DMD: variants seen among roughly 807,000 people sequenced by gnomAD.
The protein encoded by DMD is dystrophin.
A neutral mutation model predicts 330.1 loss-of-function variants in DMD; 63 were observed. The observed-to-expected ratio is 0.19, with a 90% CI of 0.16 to 0.24. The LOEUF is 0.24. Ranked by LOEUF, DMD falls within the 10% of genes least tolerant of loss-of-function variation. DMD has a pLI of 1.00. For missense variants in DMD, 3,344 were observed against 2,684.1 expected, an observed-to-expected ratio of 1.25 and a Z score of -5.43; for synonymous variants, 1,223 against 959.8, an observed-to-expected ratio of 1.27 and a Z score of -5.07.
At chrX:32,789,645 T>G (rs908737482) in intron 7 of DMD, among the ~76,000 whole-genome samples, 3 of 112,208 alleles carry the variant, frequency 2.7e-5, no homozygotes, top group Non-Finnish European at 5.6e-5. Flanking sequence ...ATTGGCTGTG[T>G]GATCTTGATT....
intron 43 of DMD, among the ~76,000 whole-genome samples, chrX:32,219,096 G>A (rs185679005): frequency 0.1 from 11,543 of 111,692 alleles, 545 homozygotes; most frequent in Admixed American, 0.15. Flanking sequence ...GAAGGTAGCC[G>A]AAGAGGTATT....
At chrX:32,545,046 A>T in intron 17 of DMD, 113 bp downstream of exon 17, 1 of 728,563 alleles carries the variant, frequency 1.4e-6, no homozygotes, top group Non-Finnish European at 2.1e-6. Flanking sequence ...AACTGACATT[A>T]CAGGTACCCG....
At chrX:31,330,528 T>C (rs1044376498) in intron 61 of DMD, among the ~76,000 whole-genome samples, 1 of 111,516 alleles carries the variant, frequency 9.0e-6, no homozygotes, top group Non-Finnish European at 1.9e-5. Context: ...ATTTGAGAAG[T>C]TGTGTATAAA....
chrX:32,260,521 T>C (rs1282857091), intron 43 of DMD, among the ~76,000 whole-genome samples: 4 of 111,629 alleles, frequency 3.6e-5, no homozygotes, highest in African/African-American at 1.3e-4. Flanking sequence ...CTCTGTAAAC[T>C]CTATAAACTG....
intron 54 of DMD, among the ~76,000 whole-genome samples, chrX:31,641,335 A>G (rs887242737): frequency 9.9e-6 from 1 of 101,088 alleles, no homozygotes; most frequent in African/African-American, 4.0e-5. Flanking sequence ...CCCTGTCTCT[A>G]CTAAAAATAC....
At chrX:32,792,433 A>G (rs1346831428) in intron 7 of DMD, among the ~76,000 whole-genome samples, 2 of 112,344 alleles carry the variant, frequency 1.8e-5, no homozygotes, top group East Asian at 5.6e-4. Flanking sequence ...ACAACCATAA[A>G]TCAATAAAAT....
chrX:32,604,942 T>C (rs1425610221), intron 12 of DMD, among the ~76,000 whole-genome samples: 2 of 110,977 alleles, frequency 1.8e-5, no homozygotes, highest in African/African-American at 6.5e-5. Context: ...GCTCATGGAT[T>C]GGGAGCATCA....
chrX:31,295,949 A>T (rs1454920795), intron 62 of DMD, among the ~76,000 whole-genome samples: 1 of 107,955 alleles, frequency 9.3e-6, no homozygotes, highest in Non-Finnish European at 1.9e-5. Context: ...GTACAGAAGC[A>T]TGGACTCTAT....
At chrX:32,129,202 A>G (rs2096676156) in intron 44 of DMD, among the ~76,000 whole-genome samples, 1 of 112,058 alleles carries the variant, frequency 8.9e-6, no homozygotes, top group Admixed American at 9.5e-5. Flanking sequence ...TTGACTGCAA[A>G]TAAAAGTATA....
chrX:32,239,400 G>A lies in DMD; in HGVS notation c.6291-22337C>T, dbSNP rs1000569030. On this transcript the variant is annotated intron_variant, in intron 43 of 78. Coordinates refer to ENST00000357033, the MANE Select transcript of DMD (RefSeq NM_004006.3). The stretch of plus-strand genomic sequence containing the variant: ...ATTTTACATTTATAGCAAAATCGAG[G>A]GGAAAGTACAGAGATTTCCCGTATA... 2.7e-5 allele frequency among the ~76,000 whole-genome samples: 3 copies of A among 111,133 alleles called. No individual in the cohort carries two copies. In the Admixed American group the frequency reaches 2.9e-4, roughly 11 times the overall value.
At chrX:32,395,382 A>G (rs2098036513) in intron 30 of DMD, among the ~76,000 whole-genome samples, 1 of 105,018 alleles carries the variant, frequency 9.5e-6, no homozygotes. Flanking sequence ...AATATATGCA[A>G]TGTAATAGAA....
intron 1 of DMD, among the ~76,000 whole-genome samples, chrX:33,071,150 T>G (rs1318646412): frequency 1.8e-5 from 2 of 111,128 alleles, no homozygotes; most frequent in African/African-American, 6.5e-5. Context: ...CAGTTTCCTT[T>G]TCTAAAAAAT....
intron 9 of DMD, among the ~76,000 whole-genome samples, chrX:32,666,487 T>A (rs1196372337): frequency 1.8e-5 from 2 of 111,080 alleles, no homozygotes; most frequent in African/African-American, 6.6e-5. Context: ...GTTAGTTTGC[T>A]TAGAATGATG....
intron 30 of DMD, among the ~76,000 whole-genome samples, chrX:32,401,471 C>A (rs1261579909): frequency 2.7e-5 from 3 of 111,550 alleles, no homozygotes; most frequent in Non-Finnish European, 3.8e-5. Context: ...CACAGAAAGA[C>A]AAACATCCCA....
At chrX:32,415,839 A>G (rs1330501286) in intron 29 of DMD, among the ~76,000 whole-genome samples, 1 of 112,582 alleles carries the variant, frequency 8.9e-6, no homozygotes, top group Non-Finnish European at 1.9e-5. Flanking sequence ...CCAGTTTTCA[A>G]TGAAAATTAA....
At chrX:32,450,368 C>T (rs1158134156) in intron 26 of DMD, among the ~76,000 whole-genome samples, 2 of 111,289 alleles carry the variant, frequency 1.8e-5, no homozygotes, top group African/African-American at 6.5e-5. Flanking sequence ...GAATGCTTAA[C>T]TTCACCGATT....
chrX:31,471,303 G>T (rs1199509245), intron 59 of DMD, among the ~76,000 whole-genome samples: 9 of 112,261 alleles, frequency 8.0e-5, no homozygotes, highest in African/African-American at 2.9e-4. Flanking sequence ...GAATCTCCTG[G>T]TCTGCATGTT....
chrX:33,149,740 A>G (rs2048190888), intron 1 of DMD, among the ~76,000 whole-genome samples: 1 of 110,988 alleles, frequency 9.0e-6, no homozygotes, highest in East Asian at 2.9e-4. Flanking sequence ...AGCAACATAC[A>G]TATGAGTACA....
At chrX:32,353,492 T>G (rs189802859) in intron 37 of DMD, among the ~76,000 whole-genome samples, 9 of 111,615 alleles carry the variant, frequency 8.1e-5, no homozygotes, top group African/African-American at 2.9e-4. Context: ...ATAAATCATC[T>G]TAATTATTGG....
Sources: allele counts gnomAD v4.1 joint callset (sites outside exome capture counted in the v4.1 genomes callset), GRCh38; gene constraint gnomAD v4.1.1; transcripts MANE v1.5; gene names NCBI Gene and HGNC (gene_info 2026-07-23, HGNC 2026-07-21).